Variants in CFAP65 observed in about 807,000 individuals in gnomAD.
CFAP65 encodes cilia and flagella associated protein 65.
CFAP65 carries 155 observed loss-of-function variants against 208.0 expected under a neutral mutation model. The ratio of observed to expected loss-of-function variants is 0.75; its 90% CI spans 0.65 to 0.85. The LOEUF is 0.85. Among genes scored for constraint, CFAP65 ranks in the 40% least tolerant of loss-of-function variants. The pLI, the probability that CFAP65 is intolerant of heterozygous loss-of-function variation, is 0.00. For missense variants in CFAP65, 2,294 were observed against 2,451.3 expected, an observed-to-expected ratio of 0.94 and a Z score of 1.36; for synonymous variants, 970 against 986.3, an observed-to-expected ratio of 0.98 and a Z score of 0.31.
rs2106039975 is a variant in CFAP65, at chr2:219,004,026, T to C, written c.5481A>G (p.Gln1827=). The change falls in exon 33 of 35, where the codon CAA becomes CAG. Residue 1827 remains glutamine, a synonymous_variant. Coordinates refer to ENST00000341552, the MANE Select transcript of CFAP65 (RefSeq NM_194302.4). The surrounding 1 kb of genome is among the most constrained non-coding windows in gnomAD (Gnocchi z 4.7). ...CATTCAGCTGCTGTTGCCACTGCCA[T>C]TGCATGGACTCCTGGGACTCAGGCT... ...TPQPESQESM[Q]WQWQQQLNVM... is the part of the protein sequence containing the mutation. The C allele has an allele frequency of 6.2e-7, 1 of 1,614,100 alleles. No individual in the cohort carries two copies. The highest frequency in any genetic ancestry group is 8.5e-7 in the Non-Finnish European group (1 of 1,180,022).
intron 14 of CFAP65, among the ~76,000 whole-genome samples, chr2:219,024,487 A>AG (rs1046581884): frequency 9.7e-4 from 3 of 3,106 alleles, no homozygotes; most frequent in Non-Finnish European, 1.7e-3. Context: ...GGGGGGGGGC[A>AG]GGGGGGCGGG....
chr2:219,035,809 C>T (rs1241251620), intron 4 of CFAP65, 145 bp from the exon 5 acceptor site: 1 of 1,428,330 alleles, frequency 7.0e-7, no homozygotes, highest in African/African-American at 1.4e-5. Context: ...GACACCACCC[C>T]TCACCCCTTG....
chr2:219,034,246 A>G (rs552149788), intron 5 of CFAP65: 4 of 152,320 alleles, frequency 2.6e-5, no homozygotes, highest in African/African-American at 9.6e-5. Context: ...ATGTGCATGT[A>G]TGATAAGCTG....
chr2:219,009,502 G>A (rs369512659), intron 27 of CFAP65, 42 bp from the exon 28 acceptor site: 81 of 1,371,946 alleles, frequency 5.9e-5, no homozygotes, highest in Non-Finnish European at 7.7e-5. Flanking sequence ...TCACAGGGAT[G>A]GAATTGGATA....
Position 219,021,299 on chromosome 2 carries a change from G to A in CFAP65, c.3131-19C>T, listed in dbSNP as rs753044388. On this transcript the variant is annotated intron_variant, in intron 18 of 34. Coordinates refer to ENST00000341552, the MANE Select transcript of CFAP65 (RefSeq NM_194302.4). ...TGCAGAGCTGCTCAGGGATGATGCC[G>A]GAGGGTCAGTGGGTAGAGGAGGCCC... 92 of 1,552,360 alleles carry A rather than the reference G, an allele frequency of 5.9e-5. 1 individual carries two copies. The highest frequency in any genetic ancestry group is 2.8e-4 in the Admixed American group (15 of 53,634).
intron 29 of CFAP65, 31 bp from the exon 30 acceptor site, chr2:219,006,540 T>C (rs773781906): frequency 5.0e-5 from 81 of 1,611,378 alleles, no homozygotes; most frequent in Non-Finnish European, 6.5e-5. Flanking sequence ...TTGCTTAAGA[T>C]ACAAGAGGCC....
chr2:219,013,919 T>C lies in CFAP65; in HGVS notation c.3728A>G (p.Lys1243Arg). 1.9e-6 allele frequency: 3 copies of C among 1,613,952 alleles called. No individual in the cohort carries two copies. Among genetic ancestry groups the C allele is most frequent in the Non-Finnish European group, 2.5e-6 (3 of 1,179,954 alleles). Residue 1243 changes from lysine to arginine, a missense_variant, in exon 22 of 35, where the codon AAG (lysine) becomes AGG (arginine). By Grantham distance (26) the Lys-to-Arg change is conservative (BLOSUM62 2). Around this residue, in one of 2 missense-constraint regions of CFAP65, gnomAD observed 1,427 missense variants for 1,438.7 expected, o/e 0.99. Transcript: ENST00000341552. ...QDNCLFSISP[K>R]AGSLSPGQEQ... Reference sequence around the variant, plus strand: ...CTGCCCAGGACTCAGGCTCCCAGCCTTGGGGCTGATGGAGAAGAGGCAATT... The same window carrying C: ...CTGCCCAGGACTCAGGCTCCCAGCCCTGGGGCTGATGGAGAAGAGGCAATT...
In CFAP65 at chr2:219,028,277, G is replaced by A. The variant is rs759554960; in HGVS notation, c.1775C>T (p.Pro592Leu). The A allele has an allele frequency of 1.9e-6, 3 of 1,614,074 alleles. No individual in the cohort carries two copies. The South Asian group carries it at 3.3e-5, about 18-fold the overall frequency. The change falls in exon 12 of 35, where the codon CCT (proline) becomes CTT (leucine). Residue 592 changes from proline to leucine, a missense_variant. This residue lies in a region of CFAP65 where 867 missense variants were observed against 1,012.6 expected (regional missense o/e 0.86). Transcript: ENST00000341552. ...CTTCAGCATGGCATCCAGGATGTCA[G>A]GGGGGTAGAGCGTCAGGCCCCGGGC... ...HLARGLTLYP[P>L]DILDAMLKEK...
At chr2:219,030,899 C>A (rs1947974839) in intron 8 of CFAP65, 65 bp from the exon 9 acceptor site, 2 of 1,559,172 alleles carry the variant, frequency 1.3e-6, no homozygotes, top group Non-Finnish European at 1.7e-6. Flanking sequence ...AGCTGAACAG[C>A]CCCTCGAAGA....
intron 14 of CFAP65, among the ~76,000 whole-genome samples, chr2:219,024,478 G>T (rs1396698468): frequency 2.2e-4 from 31 of 139,246 alleles, no homozygotes; most frequent in Non-Finnish European, 2.7e-4. Flanking sequence ...AAAGGGGCGG[G>T]GGGGGGGCAG....
At chr2:219,022,991 A>G (rs1324837409) in intron 16 of CFAP65, among the ~76,000 whole-genome samples, 6 of 152,102 alleles carry the variant, frequency 3.9e-5, no homozygotes, top group Admixed American at 3.9e-4. Flanking sequence ...GGCCTAACTT[A>G]TGATCTTAGT....
At position 219,031,908 on chromosome 2, in the gene CFAP65, G is replaced by A. The variant is rs1205500213; in HGVS notation, c.646-250C>T. Among the ~76,000 whole-genome samples, 1 of 151,280 alleles carries A rather than the reference G, an allele frequency of 6.6e-6. No individual in the cohort carries two copies. Among genetic ancestry groups the A allele is most frequent in the Non-Finnish European group, 1.5e-5 (1 of 67,938 alleles). On this transcript the variant is annotated intron_variant, in intron 6 of 34. Transcript: ENST00000341552. This position sits in a 1 kb window ranked among gnomAD's most constrained non-coding sequence, Gnocchi z 5.2. ...CAGGAAGAGGCCAAGGAATGTAGAA[G>A]GGGTTTCTTTTCTTTTCTTTTTTTT...
rs1945852564 is a variant in CFAP65, at chr2:219,004,961, C to CTTTCTTTCTT, written c.5051+472_5051+473insAAGAAAGAAA. On this transcript the variant is annotated intron_variant, in intron 32 of 34. Transcript: ENST00000341552. The surrounding 1 kb of genome is among the most constrained non-coding windows in gnomAD (Gnocchi z 4.7). ...TTTCTTTCTTTCTTTCTTTCTTTCT[C>CTTTCTTTCTT]TCTCTTTCTTTCTTTCTCTCTTTCT... is the stretch of plus-strand genomic sequence containing the variant. Among the ~76,000 whole-genome samples, 5 of 136,624 alleles carry CTTTCTTTCTT rather than the reference C, an allele frequency of 3.7e-5. No individual in the cohort carries two copies. Among genetic ancestry groups the CTTTCTTTCTT allele is most frequent in the African/African-American group, 1.6e-4 (5 of 31,880 alleles). The allele number at this position is 136,624 out of a possible 152,430, so 89.6% of individuals were successfully genotyped here. A position where few individuals can be genotyped will look rare whatever the true frequency, so the allele number is the denominator to read the frequency against.
At position 219,038,451 on chromosome 2, in the gene CFAP65, C is replaced by T; in HGVS notation, c.281G>A (p.Ser94Asn). ...HTVNSGGSCLSASTVAIPAIN... is the reference protein window; with the variant it reads ...HTVNSGGSCLNASTVAIPAIN... ...GGCAGGGATGGCCACTGTGCTGGCA[C>T]TCAGGCAGGATCCACCAGAGTTCAC... Residue 94 changes from serine (S) to asparagine (N), a missense_variant, in exon 4 of 35, where the codon AGT becomes AAT. Physicochemically the swap from Ser to Asn is conservative, Grantham distance 46. Around this residue, in one of 2 missense-constraint regions of CFAP65, gnomAD observed 867 missense variants for 1,012.6 expected, o/e 0.86. Coordinates refer to ENST00000341552, the MANE Select transcript of CFAP65 (RefSeq NM_194302.4). The T allele has an allele frequency of 6.2e-7, 1 of 1,614,096 alleles. No individual in the cohort carries two copies.
chr2:219,017,636 C>T (rs1447801000), intron 21 of CFAP65, among the ~76,000 whole-genome samples: 1 of 152,272 alleles, frequency 6.6e-6, no homozygotes, highest in East Asian at 1.9e-4. Flanking sequence ...GCTGGCCGGG[C>T]ATGCTGCCTG....
chr2:219,023,142 T>G (rs972451682), intron 16 of CFAP65, 65 bp downstream of exon 16: 1 of 1,391,366 alleles, frequency 7.2e-7, no homozygotes, highest in Non-Finnish European at 1.0e-6. Flanking sequence ...TGGGCTATGA[T>G]AGGCACAAAT....
chr2:219,023,396 C>G lies in CFAP65; in HGVS notation c.2631G>C (p.Gln877His), dbSNP rs1392529009. The G allele has an allele frequency of 6.3e-7, 1 of 1,591,840 alleles. No individual in the cohort carries two copies. The highest frequency in any genetic ancestry group is 1.8e-5 in the Admixed American group (1 of 55,120). ...GGCTTTTGTGGGTGTCCAGCTTCAG[C>G]TGCAGTGGCTCCTCCCGGCTGTACA... ...VSMYSREEPLQLKLDTHKSLY... is the reference protein window; with the variant it reads ...VSMYSREEPLHLKLDTHKSLY... The change falls in exon 16 of 35, where the codon CAG becomes CAC. Residue 877 changes from glutamine to histidine, a missense_variant. By Grantham distance (24) the Gln-to-His change is conservative. Around this residue, in one of 2 missense-constraint regions of CFAP65, gnomAD observed 1,427 missense variants for 1,438.7 expected, o/e 0.99. Coordinates refer to ENST00000341552, the MANE Select transcript of CFAP65 (RefSeq NM_194302.4).
chr2:219,008,737 A>T (rs939253864), intron 29 of CFAP65, among the ~76,000 whole-genome samples: 1 of 152,230 alleles, frequency 6.6e-6, no homozygotes, highest in Non-Finnish European at 1.5e-5. Context: ...CTGTCTCAAA[A>T]AAAAATAAAA....
chr2:219,024,470 A>AGGGAGACGGGGGGGGGGG (rs1168795562), intron 14 of CFAP65, among the ~76,000 whole-genome samples: 1 of 6,932 alleles, frequency 1.4e-4, no homozygotes, highest in African/African-American at 7.1e-4. Context: ...ACCTCCAGAA[A>AGGGAGACGGGGGGGGGGG]GGGGCGGGGG....
Sources: allele counts gnomAD v4.1 joint callset (sites outside exome capture counted in the v4.1 genomes callset), GRCh38; gene constraint gnomAD v4.1.1; regional missense constraint gnomAD v4.1.1; non-coding constraint Gnocchi (gnomAD v3.1); transcripts MANE v1.5; gene names NCBI Gene and HGNC (gene_info 2026-07-23, HGNC 2026-07-21).